TIAM2: variants seen among roughly 807,000 people sequenced by gnomAD.
The protein encoded by TIAM2 is TIAM Rac1 associated GEF 2.
In TIAM2, 80 loss-of-function variants were observed where a neutral mutation model predicts 152.9. The observed-to-expected ratio is 0.52, with a 90% confidence interval of 0.44 to 0.63. The LOEUF (loss-of-function observed/expected upper bound fraction) is 0.63. TIAM2 is among the 30% of genes least tolerant of loss of function. The probability of loss-of-function intolerance (pLI) is 0.00; values close to 1 mark genes in which losing one functional copy is unlikely to be tolerated. For missense variants in TIAM2, 1,965 were observed against 2,120.1 expected, an observed-to-expected ratio of 0.93 and a Z score of 1.44; for synonymous variants, 804 against 838.0, an observed-to-expected ratio of 0.96 and a Z score of 0.70.
At chr6:155,044,419 C>T (rs769205553) in intron 1 of TIAM2, among the ~76,000 whole-genome samples, 2 of 152,160 alleles carry the variant, frequency 1.3e-5, no homozygotes, top group Non-Finnish European at 2.9e-5. Context: ...GTTTTTTATT[C>T]GTTTAGCTGA....
intron 15 of TIAM2, among the ~76,000 whole-genome samples, chr6:155,233,387 T>C (rs1782577833): frequency 6.6e-6 from 1 of 152,028 alleles, no homozygotes; most frequent in Admixed American, 6.6e-5. Context: ...AGAAGGTTCA[T>C]CTGAGTGACT....
intron 2 of TIAM2, among the ~76,000 whole-genome samples, chr6:155,096,773 A>G (rs1055182134): frequency 1.3e-5 from 2 of 152,102 alleles, no homozygotes; most frequent in African/African-American, 2.4e-5. Flanking sequence ...ACTTAGGTTG[A>G]TATATTTTGG....
chr6:154,997,993 T>G (rs901021314), intron 1 of TIAM2, among the ~76,000 whole-genome samples: 7 of 152,188 alleles, frequency 4.6e-5, no homozygotes, highest in Non-Finnish European at 1.0e-4. Context: ...GGGGCAGATT[T>G]TTTTTGTATA....
chr6:155,035,101 G>T (rs1324820016), intron 1 of TIAM2, among the ~76,000 whole-genome samples: 1 of 152,088 alleles, frequency 6.6e-6, no homozygotes, highest in Non-Finnish European at 1.5e-5. Context: ...TGGAGGGAAT[G>T]ACTTGATTAT....
At chr6:155,064,407 G>A (rs1444579127) in intron 1 of TIAM2, among the ~76,000 whole-genome samples, 1 of 152,134 alleles carries the variant, frequency 6.6e-6, no homozygotes, top group African/African-American at 2.4e-5. Context: ...AAATCAAAAC[G>A]CTGGTGTATC....
chr6:155,034,377 A>G (rs1012561842), intron 1 of TIAM2, among the ~76,000 whole-genome samples: 1 of 151,840 alleles, frequency 6.6e-6, no homozygotes, highest in Admixed American at 6.6e-5. Flanking sequence ...CAGCCTCCCA[A>G]GTAGCTGGGA....
At chr6:155,001,806 A>T (rs1348173160) in intron 1 of TIAM2, among the ~76,000 whole-genome samples, 1 of 152,198 alleles carries the variant, frequency 6.6e-6, no homozygotes, top group African/African-American at 2.4e-5. Flanking sequence ...TTACTAAGTG[A>T]TTTCTTTGCA....
chr6:155,034,228 C>G (rs956861970), intron 1 of TIAM2, among the ~76,000 whole-genome samples: 1 of 151,742 alleles, frequency 6.6e-6, no homozygotes, highest in Non-Finnish European at 1.5e-5. Context: ...GTTGAGACCT[C>G]TCTTCTGGGG....
chr6:155,002,232 G>GT (rs1778325680), intron 1 of TIAM2, among the ~76,000 whole-genome samples: 1 of 152,064 alleles, frequency 6.6e-6, no homozygotes, highest in Non-Finnish European at 1.5e-5. Context: ...AACATAGTAA[G>GT]ACCCTGTCTC....
At chr6:155,094,461 A>G (rs1778368097) in intron 2 of TIAM2, among the ~76,000 whole-genome samples, 1 of 151,980 alleles carries the variant, frequency 6.6e-6, no homozygotes, top group Admixed American at 6.6e-5. Flanking sequence ...TGTATGCCGA[A>G]GTATACTTGT....
intron 1 of TIAM2, among the ~76,000 whole-genome samples, chr6:155,015,916 C>T (rs2114854178): frequency 7.7e-6 from 1 of 130,296 alleles, no homozygotes; most frequent in South Asian, 2.6e-4. Flanking sequence ...TAGCCTGGGC[C>T]ACAGAGCAAG....
intron 6 of TIAM2, 21 bp downstream of exon 6, chr6:155,144,799 G>C: frequency 6.3e-7 from 1 of 1,596,392 alleles, no homozygotes; most frequent in Non-Finnish European, 8.5e-7. Context: ...TACTTTGTAA[G>C]TGGAGGTAAT....
At chr6:155,040,120 C>T (rs1204007616) in intron 1 of TIAM2, among the ~76,000 whole-genome samples, 1 of 152,092 alleles carries the variant, frequency 6.6e-6, no homozygotes, top group Admixed American at 6.6e-5. Flanking sequence ...ATGAAATTTC[C>T]ATGTTAATTA....
intron 7 of TIAM2, among the ~76,000 whole-genome samples, chr6:155,159,098 CTTTT>C (rs2115088300): frequency 6.6e-6 from 1 of 151,954 alleles, no homozygotes; most frequent in African/African-American, 2.4e-5. Context: ...CTTTGTCTTT[CTTTT>C]ATGTCACCTT....
rs375013266 is a variant in TIAM2 at position 155,139,009 on chromosome 6, C to T, written c.1630+1397C>T. 1.2e-4 allele frequency among the ~76,000 whole-genome samples: 19 copies of T among 152,332 alleles called. No individual in the cohort carries two copies. The East Asian group carries it at 1.5e-3, about 12-fold the overall frequency. ...TTGATTTATGCAGATGCACCCAGAG[C>T]GGCCTCGCAGCCTCTGGCATTCTGC... On this transcript the variant is annotated intron_variant, in intron 5 of 26. Transcript: ENST00000682666.
At chr6:155,220,129 T>C (rs566434903) in intron 15 of TIAM2, among the ~76,000 whole-genome samples, 21 of 152,136 alleles carry the variant, frequency 1.4e-4, no homozygotes, top group Admixed American at 8.5e-4. Context: ...AAGTGGGCAG[T>C]GGGGCTGTTG....
At position 155,130,398 on chromosome 6, in the gene TIAM2, G is replaced by A. The variant is rs1407676013; in HGVS notation, c.1175G>A (p.Arg392Lys). The A allele has an allele frequency of 5.6e-6, 9 of 1,613,396 alleles. No individual in the cohort carries two copies. In the South Asian group the frequency reaches 9.9e-5, roughly 18 times the overall value. Residue 392 changes from arginine (R) to lysine (K), a missense_variant, in exon 4 of 27, where the codon AGG (arginine) becomes AAG (lysine). Arg to Lys is a conservative substitution (Grantham distance 26). This residue lies in a region of TIAM2 where 1,025 missense variants were observed against 1,119.4 expected (regional missense o/e 0.92). Transcript: ENST00000682666. ...RISDWTGSLS[R>K]KKRKLQEPRS... ...AGTGACTGGACGGGAAGCCTCTCAAGGAAGAAAAGGAAACTCCAGGTGAGC... is the reference window on the plus strand; with the variant it reads ...AGTGACTGGACGGGAAGCCTCTCAAAGAAGAAAAGGAAACTCCAGGTGAGC...
At chr6:155,112,327 G>C (rs1328567524) in intron 2 of TIAM2, among the ~76,000 whole-genome samples, 1 of 151,524 alleles carries the variant, frequency 6.6e-6, no homozygotes, top group Non-Finnish European at 1.5e-5. Context: ...ACGGGGTTTC[G>C]TTGGCCAGGC....
In TIAM2 at chr6:155,256,808, C is replaced by T; in HGVS notation, c.4793C>T (p.Ser1598Phe). 6.2e-7 allele frequency: 1 copy of T among 1,614,208 alleles called. No homozygotes were observed. Residue 1598 changes from serine to phenylalanine, a missense_variant, in exon 27 of 27, where the codon TCC becomes TTC. Physicochemically the swap from Ser to Phe is radical, Grantham distance 155 (BLOSUM62 -2). This residue lies in a region of TIAM2 where 935 missense variants were observed against 980.0 expected (regional missense o/e 0.95). Transcript: ENST00000682666. The part of the protein sequence containing the change: ...IEIQFQRLRI[S>F]EDPDVHPEAE... The stretch of plus-strand genomic sequence containing the variant: ...ATTCAGTTCCAGAGACTGAGGATTT[C>T]CGAGGACCCAGACGTTCACCCCGAG...
Sources: gnomAD v4.1 joint callset for allele counts (sites outside exome capture counted in the v4.1 genomes callset) on GRCh38, gnomAD v4.1.1 for gene constraint, gnomAD v4.1.1 regional missense constraint, MANE v1.5 for transcripts, NCBI Gene and HGNC (gene_info 2026-07-23, HGNC 2026-07-21) for gene names.